The following USH2A variants were observed in gnomAD, a reference collection of about 807,000 sequenced individuals.
USH2A encodes the protein Usher syndrome 2A (autosomal recessive, mild).
In USH2A, 443 loss-of-function variants were observed where a neutral mutation model predicts 538.9. The ratio of observed to expected loss-of-function variants is 0.82; its 90% CI spans 0.76 to 0.89. The LOEUF (loss-of-function observed/expected upper bound fraction) is 0.89, where lower values mean the gene tolerates loss of function less well. Among genes scored for constraint, USH2A ranks in the 40% least tolerant of loss-of-function variants. The pLI is 0.00. For missense variants in USH2A, 6,633 were observed against 6,324.8 expected, an observed-to-expected ratio of 1.05 and a Z score of -1.65; for synonymous variants, 2,413 against 2,273.5, an observed-to-expected ratio of 1.06 and a Z score of -1.75.
chr1:216,238,624 G>T (rs916691294), intron 13 of USH2A, among the ~76,000 whole-genome samples: 4 of 152,156 alleles, frequency 2.6e-5, no homozygotes, highest in African/African-American at 9.7e-5. Flanking sequence ...AATGTGCACT[G>T]CTGCTTTAAC....
intron 51 of USH2A, among the ~76,000 whole-genome samples, chr1:215,787,958 C>A (rs535325766): frequency 6.6e-5 from 10 of 152,124 alleles, no homozygotes; most frequent in South Asian, 4.2e-4. Flanking sequence ...GGAGGAGAAT[C>A]GCTTGAACCT....
intron 61 of USH2A, among the ~76,000 whole-genome samples, chr1:215,715,524 G>C (rs923357145): frequency 1.3e-5 from 2 of 152,182 alleles, no homozygotes; most frequent in African/African-American, 4.8e-5. Flanking sequence ...ACACACATGA[G>C]AATTAGAATA....
Position 216,175,176 on chromosome 1 carries a change from GT to G in USH2A, c.4627+75del, listed in dbSNP as rs2034350427. The G allele has an allele frequency of 2.5e-5, 40 of 1,593,420 alleles. No homozygotes were observed. In the South Asian group the frequency reaches 4.4e-4, roughly 18 times the overall value. ...TAAGTAGGTATAATAAAAATTCATT[GT>G]AAAGGGATATGAAAATATAGAAAAC... On this transcript the variant is annotated intron_variant, in intron 21 of 71. Transcript: ENST00000307340.
chr1:216,028,320 G>C (rs936146764), intron 32 of USH2A, among the ~76,000 whole-genome samples: 3 of 151,916 alleles, frequency 2.0e-5, no homozygotes, highest in Admixed American at 6.6e-5. Flanking sequence ...CCCAGGAGGC[G>C]GGGTTGCAGT....
At chr1:215,979,554 A>C (rs1156609384) in intron 35 of USH2A, among the ~76,000 whole-genome samples, 1 of 152,180 alleles carries the variant, frequency 6.6e-6, no homozygotes, top group Non-Finnish European at 1.5e-5. Flanking sequence ...GATGGTTAAA[A>C]ATATCAAACA....
At chr1:215,932,761 T>C (rs1666396588) in intron 38 of USH2A, among the ~76,000 whole-genome samples, 1 of 152,048 alleles carries the variant, frequency 6.6e-6, no homozygotes, top group Non-Finnish European at 1.5e-5. Flanking sequence ...CAGTGCATTA[T>C]GGTAATGACA....
intron 9 of USH2A, among the ~76,000 whole-genome samples, chr1:216,293,021 CTTTT>C: frequency 7.9e-6 from 1 of 126,298 alleles, no homozygotes; most frequent in Non-Finnish European, 1.7e-5. Context: ...ACACAAGCAT[CTTTT>C]TTTTTTTTTT....
chr1:216,088,848 A>T (rs2032212501), intron 23 of USH2A, among the ~76,000 whole-genome samples, 165 bp downstream of exon 23: 1 of 152,190 alleles, frequency 6.6e-6, no homozygotes, highest in African/African-American at 2.4e-5. Context: ...ACTGGTTGCC[A>T]GACTTCATCC....
chr1:216,420,195 C>T (rs937242432), intron 2 of USH2A, among the ~76,000 whole-genome samples: 1 of 152,056 alleles, frequency 6.6e-6, no homozygotes, highest in Non-Finnish European at 1.5e-5. Context: ...CTGTTTAAAT[C>T]TACAAGTGAG....
At chr1:216,198,711 T>A in intron 17 of USH2A, 127 bp from the exon 18 acceptor site, 2 of 889,674 alleles carry the variant, frequency 2.2e-6, no homozygotes, top group Admixed American at 4.7e-5. Flanking sequence ...TTACTGTCAA[T>A]TTCTTTAGCA....
chr1:215,970,695 A>T lies in USH2A; in HGVS notation c.6887T>A (p.Phe2296Tyr), dbSNP rs758749326. The T allele has an allele frequency of 3.7e-6, 6 of 1,613,714 alleles. No individual in the cohort carries two copies. The highest frequency in any genetic ancestry group is 4.2e-6 in the Non-Finnish European group (5 of 1,179,732). Reference protein sequence around the residue: ...SSELSYRAYGFAPWSLHSFRV... With the variant: ...SSELSYRAYGYAPWSLHSFRV... ...GAAGGAATGTAAACTCCAAGGAGCA[A>T]ATCCGTAAGCACGATAGCTGAGTTC... The change falls in exon 36 of 72, where the codon TTT (phenylalanine) becomes TAT (tyrosine). Residue 2296 changes from phenylalanine to tyrosine, a missense_variant. Phe to Tyr is a conservative substitution (Grantham distance 22). Transcript: ENST00000307340.
At chr1:216,052,073 T>G (rs1054189991) in intron 30 of USH2A, among the ~76,000 whole-genome samples, 2 of 152,148 alleles carry the variant, frequency 1.3e-5, no homozygotes, top group Non-Finnish European at 2.9e-5. Flanking sequence ...GTGTATAACA[T>G]GTGTATAGTG....
intron 37 of USH2A, among the ~76,000 whole-genome samples, chr1:215,958,479 T>G (rs1328520111): frequency 6.6e-6 from 1 of 152,192 alleles, no homozygotes; most frequent in East Asian, 1.9e-4. Flanking sequence ...TTAATTTCTT[T>G]TGTTTTTAGA....
intron 15 of USH2A, among the ~76,000 whole-genome samples, chr1:216,215,580 A>T (rs1164320694): frequency 6.6e-6 from 1 of 152,054 alleles, no homozygotes; most frequent in Non-Finnish European, 1.5e-5. Flanking sequence ...GAAGGCAGGA[A>T]AGTTGTCTCA....
intron 58 of USH2A, among the ~76,000 whole-genome samples, chr1:215,754,020 A>G (rs1239924382): frequency 6.6e-6 from 1 of 152,226 alleles, no homozygotes; most frequent in Non-Finnish European, 1.5e-5. Flanking sequence ...AAAAGGCAGT[A>G]GCAGACAGTA....
At position 216,000,441 on chromosome 1, in the gene USH2A, T is replaced by C. The variant is rs2102483181; in HGVS notation, c.6447A>G (p.Pro2149=). ...AQLPPEHVDS[P]VLTVLDSRTI... is the part of the protein sequence containing the mutation. ...TTCTAGAATCCAGGACAGTCAGAAC[T>C]GGGGAATCCACGTGTTCTGGTGGCA... The change falls in exon 33 of 72, where the codon CCA becomes CCG. Residue 2149 remains proline, a synonymous_variant. Coordinates refer to ENST00000307340, the MANE Select transcript of USH2A (RefSeq NM_206933.4). The C allele has an allele frequency of 6.2e-7, 1 of 1,613,666 alleles. No individual in the cohort carries two copies. Among genetic ancestry groups the C allele is most frequent in the Non-Finnish European group, 8.5e-7 (1 of 1,179,714 alleles).
At chr1:216,257,996 A>C (rs1353960433) in intron 11 of USH2A, among the ~76,000 whole-genome samples, 1 of 151,318 alleles carries the variant, frequency 6.6e-6, no homozygotes, top group Non-Finnish European at 1.5e-5. Context: ...TGATAATTCT[A>C]ACATTTCTCA....
intron 61 of USH2A, among the ~76,000 whole-genome samples, chr1:215,709,515 G>T (rs1387506875): frequency 9.4e-6 from 1 of 106,568 alleles, no homozygotes; most frequent in Non-Finnish European, 2.0e-5. Flanking sequence ...AAATGAAATT[G>T]AGTTTGATCA....
intron 38 of USH2A, among the ~76,000 whole-genome samples, chr1:215,911,884 G>GT (rs1223018145): frequency 6.6e-6 from 1 of 151,888 alleles, no homozygotes; most frequent in Non-Finnish European, 1.5e-5. Flanking sequence ...TTTATTGCCT[G>GT]TTTTTTGGAC....
Sources: allele counts gnomAD v4.1 joint callset (sites outside exome capture counted in the v4.1 genomes callset), GRCh38; gene constraint gnomAD v4.1.1; transcripts MANE v1.5; gene names NCBI Gene and HGNC (gene_info 2026-07-23, HGNC 2026-07-21).